The following RUNX1 variants were observed in gnomAD, a reference collection of about 807,000 sequenced individuals.
RUNX1 encodes runt-related transcription factor 1.
Under a neutral mutation model 42.8 loss-of-function variants are expected in RUNX1, and 19 were observed. That is an observed-to-expected ratio of 0.44 (90% CI 0.31 to 0.65). The LOEUF (loss-of-function observed/expected upper bound fraction) is 0.65. Among genes scored for constraint, RUNX1 ranks in the 30% least tolerant of loss-of-function variants. The probability of loss-of-function intolerance (pLI) is 0.07; values close to 1 mark genes in which losing one functional copy is unlikely to be tolerated. For synonymous variants in RUNX1, 271 were observed against 289.4 expected, an observed-to-expected ratio of 0.94 and a Z score of 0.64; for missense variants, 528 against 672.0, an observed-to-expected ratio of 0.79 and a Z score of 2.37.
chr21:34,888,862 CCGCCG>C (rs1045644316), intron 3 of RUNX1, among the ~76,000 whole-genome samples: 141 of 151,854 alleles, frequency 9.3e-4, no homozygotes, highest in African/African-American at 3.2e-3. Flanking sequence ...CGCGCCCCCG[CCGCCG>C]CGCCGCGCGC....
intron 2 of RUNX1, among the ~76,000 whole-genome samples, chr21:35,019,905 T>C (rs2059186248): frequency 6.6e-6 from 1 of 152,152 alleles, no homozygotes; most frequent in South Asian, 2.1e-4. Context: ...GAAGGGCTGC[T>C]TGGTTATAGA....
intron 2 of RUNX1, among the ~76,000 whole-genome samples, chr21:34,975,546 T>C (rs1340429801): frequency 6.6e-6 from 1 of 152,204 alleles, no homozygotes; most frequent in Non-Finnish European, 1.5e-5. Flanking sequence ...CATCTGAAGA[T>C]GTTGTTATTC....
chr21:34,923,516 G>T (rs2058370237), intron 2 of RUNX1, among the ~76,000 whole-genome samples: 1 of 152,058 alleles, frequency 6.6e-6, no homozygotes, highest in South Asian at 2.1e-4. Flanking sequence ...AATTATAGTT[G>T]TTACTTAAAA....
rs2146408405 is a variant in RUNX1 at position 34,886,871 on chromosome 21, C to T, written c.323G>A (p.Cys108Tyr). ...GAAAGCGATGGGCAGGGTCTTGTTG[C>T]AGCGCCAGTGCGTAGGCAGCACGGA... Reference protein sequence around the residue: ...LCSVLPTHWRCNKTLPIAFKV... With the variant: ...LCSVLPTHWRYNKTLPIAFKV... The change falls in exon 4 of 9, where the codon TGC becomes TAC. Residue 108 changes from cysteine to tyrosine, a missense_variant. Transcript: ENST00000675419. 2 of 1,613,630 alleles carry T rather than the reference C, an allele frequency of 1.2e-6. No individual in the cohort carries two copies. The highest frequency in any genetic ancestry group is 1.3e-5 in the African/African-American group (1 of 75,038).
intron 2 of RUNX1, chr21:35,038,878 G>A: frequency 2.7e-6 from 1 of 374,470 alleles, no homozygotes; most frequent in South Asian, 1.9e-5. Flanking sequence ...TGGCTGTTGT[G>A]GTGGTTCAAA....
chr21:34,929,335 G>T (rs559157709), intron 2 of RUNX1, among the ~76,000 whole-genome samples: 61 of 152,252 alleles, frequency 4.0e-4, no homozygotes, highest in African/African-American at 9.9e-4. Flanking sequence ...TTATCACCTG[G>T]AAATAGCATG....
intron 2 of RUNX1, among the ~76,000 whole-genome samples, chr21:34,934,973 C>G (rs1297654987): frequency 6.6e-6 from 1 of 151,982 alleles, no homozygotes; most frequent in African/African-American, 2.4e-5. Flanking sequence ...CCTCTCTCTC[C>G]CTTACTGCTA....
At position 34,789,073 on chromosome 21, in the gene RUNX1, G is replaced by A. The variant is rs2056403957; in HGVS notation, c.*3062C>T. ...TTACTCACTGATTGTGATTTGCCCA[G>A]GAAAGTTTGCTGGTTTGGACAGCAA... On this transcript the variant is annotated 3_prime_UTR_variant, in exon 9 of 9. Transcript: ENST00000675419. 4 of 233,198 alleles carry A rather than the reference G, an allele frequency of 1.7e-5. No individual in the cohort carries two copies. The highest frequency in any genetic ancestry group is 3.4e-5 in the Non-Finnish European group (4 of 118,080). 14.4% of individuals were successfully genotyped at this position (233,198 alleles called of 1,614,324 possible). A position where few individuals can be genotyped will look rare whatever the true frequency, so the allele number is the denominator to read the frequency against.
chr21:34,974,038 G>A (rs144842222), intron 2 of RUNX1, among the ~76,000 whole-genome samples: 233 of 152,228 alleles, frequency 1.5e-3, no homozygotes, highest in East Asian at 8.1e-3. Context: ...GCCTCCACAC[G>A]TAGATGGAGC....
chr21:35,002,116 T>A (rs777267945), intron 2 of RUNX1, among the ~76,000 whole-genome samples: 12 of 151,902 alleles, frequency 7.9e-5, no homozygotes, highest in South Asian at 2.1e-4. Flanking sequence ...AATATTATTA[T>A]TATTATTATT....
At chr21:34,883,763 G>A (rs546260019) in intron 4 of RUNX1, among the ~76,000 whole-genome samples, 39 of 152,172 alleles carry the variant, frequency 2.6e-4, no homozygotes, top group Non-Finnish European at 5.6e-4. Context: ...GCCTGTTCAC[G>A]GTCCAAACTG....
At chr21:34,977,749 G>T (rs1396648945) in intron 2 of RUNX1, among the ~76,000 whole-genome samples, 1 of 152,156 alleles carries the variant, frequency 6.6e-6, no homozygotes, top group Non-Finnish European at 1.5e-5. Context: ...CTGTAAACCT[G>T]AATGGAGAAT....
chr21:35,047,559 A>ACTCTCTCTCT (rs1271931704), intron 2 of RUNX1, among the ~76,000 whole-genome samples: 4 of 64,318 alleles, frequency 6.2e-5, no homozygotes, highest in Admixed American at 1.6e-4. Flanking sequence ...ACACACACAC[A>ACTCTCTCTCT]CACTCTCTCT....
rs1569108303 is a variant in RUNX1 at position 34,926,512 on chromosome 21, ATCT to A, written c.59-33552_59-33550del. ...ACAGCACATATTTATTATTGACTAA[ATCT>A]GTCAGCATTTTGATCTACAACAAAC... On this transcript the variant is annotated intron_variant, in intron 2 of 8. Coordinates refer to ENST00000675419, the MANE Select transcript of RUNX1 (RefSeq NM_001754.5). Among the ~76,000 whole-genome samples the A allele has an allele frequency of 5.7e-3, 272 of 47,842 alleles. 87 individuals are homozygous for A. Among genetic ancestry groups the A allele is most frequent in the Non-Finnish European group, 0.011 (200 of 18,592 alleles). 31.4% of individuals were successfully genotyped at this position (47,842 alleles called of 152,430 possible).
chr21:34,930,274 A>G (rs200315181), intron 2 of RUNX1, among the ~76,000 whole-genome samples: 1,458 of 87,968 alleles, frequency 0.017, 16 homozygotes, highest in Non-Finnish European at 0.023. Context: ...GTGTATGTAT[A>G]TATATATATA....
chr21:34,915,003 G>T (rs1261368363), intron 2 of RUNX1, among the ~76,000 whole-genome samples: 1 of 152,098 alleles, frequency 6.6e-6, no homozygotes. Context: ...ACCTTGGCCT[G>T]GTCATTCGTG....
chr21:34,979,290 C>T (rs1314632507), intron 2 of RUNX1, among the ~76,000 whole-genome samples: 1 of 151,744 alleles, frequency 6.6e-6, no homozygotes, highest in Non-Finnish European at 1.5e-5. Context: ...TATACATCCT[C>T]ATAAGTCTTT....
chr21:34,809,409 C>G (rs1312657715), intron 7 of RUNX1, among the ~76,000 whole-genome samples: 1 of 151,984 alleles, frequency 6.6e-6, no homozygotes, highest in Non-Finnish European at 1.5e-5. Context: ...AATGAGGATA[C>G]TCACTCCAGT....
intron 7 of RUNX1, among the ~76,000 whole-genome samples, chr21:34,817,823 C>T (rs907839633): frequency 9.2e-5 from 14 of 152,160 alleles, no homozygotes; most frequent in Non-Finnish European, 1.9e-4. Context: ...TCCTTCAGAG[C>T]GATCATCACC....
Sources: allele counts gnomAD v4.1 joint callset (sites outside exome capture counted in the v4.1 genomes callset), GRCh38; gene constraint gnomAD v4.1.1; transcripts MANE v1.5; gene names NCBI Gene and HGNC (gene_info 2026-07-23, HGNC 2026-07-21).